The following PIK3R3 variants were observed in gnomAD, a reference collection of about 807,000 sequenced individuals.
PIK3R3 encodes phosphoinositide-3-kinase regulatory subunit 3.
Under a neutral mutation model 62.9 loss-of-function variants are expected in PIK3R3, and 64 were observed. That is an observed-to-expected ratio of 1.02 (90% CI 0.83 to 1.25). The LOEUF is 1.25. Among genes scored for constraint, PIK3R3 ranks in the 50% most tolerant of loss-of-function variants. The pLI, the probability that PIK3R3 is intolerant of heterozygous loss-of-function variation, is 0.00. For missense variants in PIK3R3, 614 were observed against 561.6 expected (o/e 1.09, Z -0.94); for synonymous variants, 165 against 189.0 (o/e 0.87, Z 1.04).
At chr1:46,100,134 AT>A (rs1168902544) in intron 1 of PIK3R3, among the ~76,000 whole-genome samples, 1 of 152,068 alleles carries the variant, frequency 6.6e-6, no homozygotes, top group Non-Finnish European at 1.5e-5. Context: ...ATAACTGTAC[AT>A]TTTTTATTTT....
Position 46,046,590 on chromosome 1 carries a change from A to C in PIK3R3, c.977T>G (p.Leu326Arg). Reference sequence around the variant, plus strand: ...ATTCTTAATTCCCAGCCAGACATTCAGGCGTTTCTGTCTCACTCCTTTGTG... The same window carrying C: ...ATTCTTAATTCCCAGCCAGACATTCCGGCGTTTCTGTCTCACTCCTTTGTG... ...LNHKGVRQKR[L>R]NVWLGIKNED... Residue 326 changes from leucine to arginine, a missense_variant, in exon 8 of 10, where the codon CTG (leucine) becomes CGG (arginine). Physicochemically the swap from Leu to Arg is moderately radical, Grantham distance 102. Coordinates refer to ENST00000262741, the MANE Select transcript of PIK3R3 (RefSeq NM_003629.4). 6.2e-7 allele frequency: 1 copy of C among 1,613,548 alleles called. No individual in the cohort carries two copies. Among genetic ancestry groups the C allele is most frequent in the Non-Finnish European group, 8.5e-7 (1 of 1,179,430 alleles).
At position 46,044,672 on chromosome 1, in the gene PIK3R3, A is replaced by G. The variant is rs551114654; in HGVS notation, c.1188-801T>C. On this transcript the variant is annotated intron_variant, in intron 9 of 9. Coordinates refer to ENST00000262741, the MANE Select transcript of PIK3R3 (RefSeq NM_003629.4). This position sits in a 1 kb window ranked among gnomAD's most constrained non-coding sequence, Gnocchi z 4.2. ...CCATTTTCTGCCCATAAGACATCCC[A>G]TTCATCTTTTTGAGGTCCATCTCAG... Among the ~76,000 whole-genome samples the G allele has an allele frequency of 8.7e-4, 133 of 152,264 alleles. No individual in the cohort carries two copies. The highest frequency in any genetic ancestry group is 3.1e-3 in the African/African-American group (128 of 41,552).
the PIK3R3 span, among the ~76,000 whole-genome samples, chr1:46,157,839 C>G: frequency 1.3e-5 from 2 of 152,236 alleles, no homozygotes; most frequent in Admixed American, 1.3e-4. Flanking sequence ...TCCCTTCTAT[C>G]TTCCCTTCTG....
At chr1:46,088,040 T>C (rs180897796) in intron 1 of PIK3R3, among the ~76,000 whole-genome samples, 2 of 152,296 alleles carry the variant, frequency 1.3e-5, no homozygotes, top group East Asian at 1.9e-4. Context: ...GTGGTGATGG[T>C]TGCACAACAG....
chr1:46,141,136 A>G, the PIK3R3 span, among the ~76,000 whole-genome samples: 2 of 152,024 alleles, frequency 1.3e-5, no homozygotes, highest in Admixed American at 1.3e-4. Flanking sequence ...CTGGGATTAC[A>G]GGCGTGAGCC....
intron 1 of PIK3R3, among the ~76,000 whole-genome samples, chr1:46,110,080 CCCTATCTCTTTTACCAACCTG>C (rs1470796096): frequency 2.6e-5 from 4 of 151,826 alleles, no homozygotes; most frequent in Non-Finnish European, 5.9e-5. Flanking sequence ...AAATGCCCAT[CCCTATCTCTTTTACCAACCTG>C]CCTCATCCAC....
the PIK3R3 span, among the ~76,000 whole-genome samples, chr1:46,164,218 C>A: frequency 6.6e-6 from 1 of 152,170 alleles, no homozygotes; most frequent in Non-Finnish European, 1.5e-5. Flanking sequence ...ATATGTTATT[C>A]TTCCTGCTCC....
At chr1:46,119,355 A>C (rs1237331696) in intron 1 of PIK3R3, among the ~76,000 whole-genome samples, 1 of 152,182 alleles carries the variant, frequency 6.6e-6, no homozygotes, top group Non-Finnish European at 1.5e-5. Flanking sequence ...GACAGTTATT[A>C]ATCTACTAAA....
chr1:46,170,819 A>G, the PIK3R3 span, among the ~76,000 whole-genome samples: 4 of 152,364 alleles, frequency 2.6e-5, no homozygotes, highest in South Asian at 2.1e-4. Context: ...CCTCTAGTTT[A>G]GACAGCCACC....
At chr1:46,164,709 C>A in the PIK3R3 span, among the ~76,000 whole-genome samples, 1 of 152,184 alleles carries the variant, frequency 6.6e-6, no homozygotes, top group African/African-American at 2.4e-5. Context: ...ACCTTTCTAA[C>A]CTCGTCTCTT....
At chr1:46,117,117 T>A (rs938698618) in intron 1 of PIK3R3, among the ~76,000 whole-genome samples, 6 of 152,096 alleles carry the variant, frequency 3.9e-5, no homozygotes, top group African/African-American at 1.4e-4. Flanking sequence ...CATCAGGAAA[T>A]TTTCTTTTCC....
At chr1:46,138,577 T>C in the PIK3R3 span, among the ~76,000 whole-genome samples, 3 of 152,204 alleles carry the variant, frequency 2.0e-5, no homozygotes, top group Non-Finnish European at 4.4e-5. Context: ...AGAGGATCGC[T>C]TTAGCCCAGA....
chr1:46,071,757 A>AGAGAGAGAGAGAGAGAGAGAGC (rs1230737377), intron 3 of PIK3R3, among the ~76,000 whole-genome samples: 3 of 128,260 alleles, frequency 2.3e-5, no homozygotes, highest in African/African-American at 9.0e-5. Flanking sequence ...AGAGAGAGAG[A>AGAGAGAGAGAGAGAGAGAGAGC]GAGCGCGCGC....
At chr1:46,084,554 T>C (rs1428117118) in intron 1 of PIK3R3, among the ~76,000 whole-genome samples, 3 of 152,224 alleles carry the variant, frequency 2.0e-5, no homozygotes, top group African/African-American at 7.2e-5. Context: ...ATGTGACTTA[T>C]AAAAGTAGCT....
intron 1 of PIK3R3, among the ~76,000 whole-genome samples, chr1:46,120,374 G>A (rs1252748005): frequency 1.3e-5 from 2 of 152,094 alleles, no homozygotes; most frequent in African/African-American, 2.4e-5. Context: ...TCAAGAGATC[G>A]AGACCATCCT....
rs185240941 is a variant in PIK3R3, at chr1:46,050,378, A to G, written c.942-3753T>C. Among the ~76,000 whole-genome samples, 451 of 152,250 alleles carry G rather than the reference A, an allele frequency of 3.0e-3. 2 individuals are homozygous for G. Among genetic ancestry groups the G allele is most frequent in the East Asian group, 0.021 (107 of 5,168 alleles). On this transcript the variant is annotated intron_variant, in intron 7 of 9. Coordinates refer to ENST00000262741, the MANE Select transcript of PIK3R3 (RefSeq NM_003629.4). ...TCAGGAGTTCGAGACCAGCCTGGCC[A>G]ACATGGTGAAACCCCATCTCTACTA...
At position 46,076,588 on chromosome 1, in the gene PIK3R3, C is replaced by T. The variant is rs557346270; in HGVS notation, c.314+927G>A. ...AATTTCTTTAGCTCTTTACCAGAAA[C>T]TAAAATAGTGCCTCCAAATTTATGC... On this transcript the variant is annotated intron_variant, in intron 3 of 9. Coordinates refer to ENST00000262741, the MANE Select transcript of PIK3R3 (RefSeq NM_003629.4). Among the ~76,000 whole-genome samples, 3 of 152,262 alleles carry T rather than the reference C, an allele frequency of 2.0e-5. No individual in the cohort carries two copies. In the East Asian group the frequency reaches 5.8e-4, roughly 29 times the overall value.
chr1:46,061,262 C>G (rs1648453897), intron 6 of PIK3R3, among the ~76,000 whole-genome samples: 1 of 152,318 alleles, frequency 6.6e-6, no homozygotes, highest in Non-Finnish European at 1.5e-5. Flanking sequence ...TGACTTCTCC[C>G]ACACCTACCA....
At chr1:46,117,978 T>C (rs1654332124) in intron 1 of PIK3R3, among the ~76,000 whole-genome samples, 1 of 150,324 alleles carries the variant, frequency 6.7e-6, no homozygotes, top group Non-Finnish European at 1.5e-5. Flanking sequence ...CTCAGAAGGC[T>C]AAGGTGGGAG....
Sources: gnomAD v4.1 joint callset for allele counts (sites outside exome capture counted in the v4.1 genomes callset) on GRCh38, gnomAD v4.1.1 for gene constraint, Gnocchi (gnomAD v3.1) non-coding constraint, MANE v1.5 for transcripts, NCBI Gene and HGNC (gene_info 2026-07-23, HGNC 2026-07-21) for gene names.